Variants in ARHGEF11 observed in about 807,000 individuals in gnomAD.
ARHGEF11 encodes the protein Rho guanine exchange factor (GEF) 11.
Under a neutral mutation model 193.7 loss-of-function variants are expected in ARHGEF11, and 55 were observed. That is an observed-to-expected ratio of 0.28 (90% CI 0.23 to 0.36). ARHGEF11 has a LOEUF of 0.36. Ranked by LOEUF, ARHGEF11 falls within the 10% of genes least tolerant of loss-of-function variation. ARHGEF11 has a pLI of 1.00. For missense variants in ARHGEF11, 1,723 were observed against 2,005.6 expected, an observed-to-expected ratio of 0.86 and a Z score of 2.69; for synonymous variants, 693 against 768.0, an observed-to-expected ratio of 0.90 and a Z score of 1.62.
At chr1:156,954,275 G>A (rs542213731) in intron 21 of ARHGEF11, among the ~76,000 whole-genome samples, 2 of 151,254 alleles carry the variant, frequency 1.3e-5, no homozygotes, top group South Asian at 2.1e-4. Flanking sequence ...AGCTACTCGG[G>A]AGGCTGAGGC....
At chr1:156,968,217 T>A (rs959629965) in intron 10 of ARHGEF11, 93 bp from the exon 11 acceptor site, 2 of 1,395,724 alleles carry the variant, frequency 1.4e-6, no homozygotes, top group African/African-American at 2.9e-5. Flanking sequence ...ACCATACTTA[T>A]AACATCAGCT....
At chr1:157,028,950 T>TGA (rs1386553645) in intron 1 of ARHGEF11, among the ~76,000 whole-genome samples, 1 of 151,932 alleles carries the variant, frequency 6.6e-6, no homozygotes, top group Admixed American at 6.6e-5. Context: ...GTGGAGTGCT[T>TGA]GAGTCCAGGA....
chr1:157,013,369 A>G (rs1557952831), intron 1 of ARHGEF11, among the ~76,000 whole-genome samples: 1 of 151,036 alleles, frequency 6.6e-6, no homozygotes, highest in Non-Finnish European at 1.5e-5. Flanking sequence ...TGCTGTATGT[A>G]GCACAGCCAT....
intron 6 of ARHGEF11, among the ~76,000 whole-genome samples, chr1:156,977,455 C>G (rs1663423935): frequency 6.6e-6 from 1 of 152,166 alleles, no homozygotes; most frequent in Non-Finnish European, 1.5e-5. Context: ...CTCTGTCACC[C>G]AGGCTGGAGT....
rs202085216 is a variant in ARHGEF11 at position 156,935,989 on chromosome 1, G to A, written c.*11C>T. 6.2e-7 allele frequency: 1 copy of A among 1,611,140 alleles called. No homozygotes were observed. The highest frequency in any genetic ancestry group is 1.1e-5 in the South Asian group (1 of 90,750). ...GGAGTGGGGACGCAGAGGATTTGGT[G>A]GTTTGTACGGTTATGGTCCTGGTGA... On this transcript the variant is annotated 3_prime_UTR_variant, in exon 41 of 41. Transcript: ENST00000368194.
chr1:156,941,321 C>A, intron 35 of ARHGEF11, 51 bp downstream of exon 35: 1 of 1,593,468 alleles, frequency 6.3e-7, no homozygotes, highest in South Asian at 1.1e-5. Context: ...CAACCTGTGC[C>A]TACAGAAAAA....
chr1:156,970,623 G>C (rs765616408), intron 8 of ARHGEF11, among the ~76,000 whole-genome samples: 3 of 152,178 alleles, frequency 2.0e-5, no homozygotes, highest in Non-Finnish European at 4.4e-5. Flanking sequence ...ATACACAGCA[G>C]GTCAACCCTA....
In ARHGEF11 at chr1:156,969,331, C is replaced by T; in HGVS notation, c.776G>A (p.Gly259Glu). ...EGRLSLDSQE[G>E]DSGLDSGTER... ...TGTCCCAGAGTCCAAGCCACTGTCC[C>T]CCTCCTGGGAATCCAGAGAGAGCCG... is the stretch of plus-strand genomic sequence containing the variant. Residue 259 changes from glycine (G) to glutamate (E), a missense_variant, in exon 10 of 41, where the codon GGG (glycine) becomes GAG (glutamate). Transcript: ENST00000368194. 1.9e-6 allele frequency: 3 copies of T among 1,609,210 alleles called. No individual in the cohort carries two copies. Among genetic ancestry groups the T allele is most frequent in the Non-Finnish European group, 2.5e-6 (3 of 1,177,744 alleles).
At chr1:157,021,553 G>A (rs1669985910) in intron 1 of ARHGEF11, among the ~76,000 whole-genome samples, 1 of 152,174 alleles carries the variant, frequency 6.6e-6, no homozygotes, top group Non-Finnish European at 1.5e-5. Flanking sequence ...AGACAGTAAT[G>A]ATGGTGTTTC....
chr1:157,023,609 T>A (rs898748486), intron 1 of ARHGEF11, among the ~76,000 whole-genome samples: 4 of 151,914 alleles, frequency 2.6e-5, no homozygotes, highest in African/African-American at 9.7e-5. Flanking sequence ...CTACTAAAAA[T>A]ACAAAAATTA....
intron 32 of ARHGEF11, among the ~76,000 whole-genome samples, chr1:156,943,137 T>C (rs982907563): frequency 2.0e-5 from 3 of 151,818 alleles, no homozygotes; most frequent in Non-Finnish European, 2.9e-5. Context: ...CTTGGCTCAC[T>C]GCAACCTGCG....
intron 1 of ARHGEF11, among the ~76,000 whole-genome samples, chr1:157,035,401 C>T (rs1671780868): frequency 7.0e-6 from 1 of 142,548 alleles, no homozygotes; most frequent in Non-Finnish European, 1.5e-5. Flanking sequence ...TCACAAAATG[C>T]TTTTTTTTTT....
intron 1 of ARHGEF11, among the ~76,000 whole-genome samples, 187 bp from the exon 2 acceptor site, chr1:156,986,360 T>A (rs114536942): frequency 6.6e-6 from 1 of 152,080 alleles, no homozygotes; most frequent in Non-Finnish European, 1.5e-5. Context: ...CTATCTGGAA[T>A]CCTGGGCTGG....
chr1:157,012,276 T>A (rs545312564), intron 1 of ARHGEF11, among the ~76,000 whole-genome samples: 4 of 152,288 alleles, frequency 2.6e-5, no homozygotes, highest in African/African-American at 7.2e-5. Flanking sequence ...ATATTCAGAA[T>A]AGGCAAATTC....
intron 20 of ARHGEF11, among the ~76,000 whole-genome samples, chr1:156,955,271 AC>A (rs1480349452): frequency 6.6e-6 from 1 of 150,676 alleles, no homozygotes; most frequent in Non-Finnish European, 1.5e-5. Context: ...TGGGTCCCAA[AC>A]TTGCCCCCAA....
At chr1:157,013,863 C>T (rs1383543229) in intron 1 of ARHGEF11, among the ~76,000 whole-genome samples, 1 of 152,228 alleles carries the variant, frequency 6.6e-6, no homozygotes, top group African/African-American at 2.4e-5. Flanking sequence ...TCCTTTTCGC[C>T]TGAATTCCAT....
Position 156,963,200 on chromosome 1 carries a change from T to C in ARHGEF11, c.1140+3A>G. 1 of 1,611,028 alleles carries C rather than the reference T, an allele frequency of 6.2e-7. No individual in the cohort carries two copies. Among genetic ancestry groups the C allele is most frequent in the Non-Finnish European group, 8.5e-7 (1 of 1,177,272 alleles). ...TCAATCAAGACAGATGATTCTGACT[T>C]ACCAGTGGACTGGGGTCCGCCTGAG... On this transcript the variant is annotated splice_donor_region_variant and intron_variant, in intron 13 of 40. Transcript: ENST00000368194.
chr1:157,006,120 C>G (rs1667790114), intron 1 of ARHGEF11, among the ~76,000 whole-genome samples: 1 of 152,130 alleles, frequency 6.6e-6, no homozygotes, highest in South Asian at 2.1e-4. Context: ...TGATGGCAGC[C>G]AGGACATCAC....
At chr1:156,992,389 T>C (rs4275446) in intron 1 of ARHGEF11, among the ~76,000 whole-genome samples, 33,706 of 152,060 alleles carry the variant, frequency 0.22, 3,931 homozygotes, top group East Asian at 0.36. Context: ...TCCTGCCTAT[T>C]TGCTGGAGGG....
Sources: gnomAD v4.1 joint callset for allele counts (sites outside exome capture counted in the v4.1 genomes callset) on GRCh38, gnomAD v4.1.1 for gene constraint, MANE v1.5 for transcripts, NCBI Gene and HGNC (gene_info 2026-07-23, HGNC 2026-07-21) for gene names.